The following NAV3 variants were observed in gnomAD, a reference collection of about 807,000 sequenced individuals.
NAV3 encodes neuron navigator 3.
A neutral mutation model predicts 244.7 loss-of-function variants in NAV3; 87 were observed. That is an observed-to-expected ratio of 0.36 (90% CI 0.30 to 0.42). The LOEUF (loss-of-function observed/expected upper bound fraction) is 0.42. NAV3 is among the 20% of genes least tolerant of loss of function. The pLI is 1.00. For missense variants in NAV3, 2,663 were observed against 2,893.3 expected, an observed-to-expected ratio of 0.92 and a Z score of 1.83; for synonymous variants, 1,126 against 1,042.2, an observed-to-expected ratio of 1.08 and a Z score of -1.55.
intron 2 of NAV3, among the ~76,000 whole-genome samples, chr12:77,791,137 C>G (rs1241050713): frequency 1.3e-5 from 2 of 152,036 alleles, no homozygotes; most frequent in Non-Finnish European, 2.9e-5. Flanking sequence ...GGGTGGATCA[C>G]AAGGTCAGGA....
At chr12:77,798,379 G>T (rs574984020) in intron 2 of NAV3, among the ~76,000 whole-genome samples, 29 of 152,050 alleles carry the variant, frequency 1.9e-4, no homozygotes, top group African/African-American at 6.5e-4. Flanking sequence ...AAATAAATTT[G>T]CTAAGTATAA....
At chr12:77,903,607 C>A (rs1359849488) in intron 1 of NAV3, among the ~76,000 whole-genome samples, 8 of 152,138 alleles carry the variant, frequency 5.3e-5, no homozygotes, top group Admixed American at 4.6e-4. Context: ...GTCTAAAACA[C>A]CAAAAGCAAT....
intron 39 of NAV3, among the ~76,000 whole-genome samples, chr12:78,206,025 C>T (rs1025545755): frequency 6.6e-6 from 1 of 152,046 alleles, no homozygotes; most frequent in Non-Finnish European, 1.5e-5. Context: ...ACACACACAT[C>T]ATCATCATCA....
chr12:77,714,678 A>T (rs1231731469), intron 2 of NAV3, among the ~76,000 whole-genome samples: 1 of 152,164 alleles, frequency 6.6e-6, no homozygotes, highest in African/African-American at 2.4e-5. Context: ...TGTCTACTAA[A>T]CATCTATGAA....
chr12:77,757,353 A>T (rs1216651507), intron 2 of NAV3, among the ~76,000 whole-genome samples: 1 of 152,212 alleles, frequency 6.6e-6, no homozygotes, highest in Non-Finnish European at 1.5e-5. Context: ...GAGGGGTGGC[A>T]CTAAAATATT....
At chr12:77,690,200 A>C (rs1874939835) in intron 2 of NAV3, among the ~76,000 whole-genome samples, 1 of 151,806 alleles carries the variant, frequency 6.6e-6, no homozygotes, top group African/African-American at 2.4e-5. Flanking sequence ...GAATATTTTC[A>C]GTTTTACAAG....
intron 22 of NAV3, among the ~76,000 whole-genome samples, chr12:78,154,660 A>G (rs1957229540): frequency 6.6e-6 from 1 of 151,804 alleles, no homozygotes; most frequent in Non-Finnish European, 1.5e-5. Context: ...AAGTCAGGGG[A>G]TATTTATCAT....
chr12:77,866,166 C>A (rs1288170855), intron 1 of NAV3, among the ~76,000 whole-genome samples: 2 of 152,032 alleles, frequency 1.3e-5, no homozygotes, highest in Non-Finnish European at 2.9e-5. Context: ...TTGAATGCAT[C>A]TATACTATTT....
At chr12:78,125,329 TTTCC>T (rs568439953) in intron 16 of NAV3, among the ~76,000 whole-genome samples, 37 of 152,314 alleles carry the variant, frequency 2.4e-4, no homozygotes, top group Admixed American at 2.2e-3. Flanking sequence ...ATCGGTAGCT[TTTCC>T]TATAGATTTT....
chr12:77,895,037 A>C lies in NAV3; in HGVS notation c.244-45282A>C, dbSNP rs187559915. 4.6e-5 allele frequency among the ~76,000 whole-genome samples: 7 copies of C among 152,266 alleles called. No individual in the cohort carries two copies. In the East Asian group the frequency reaches 1.4e-3, roughly 29 times the overall value. ...CATCTGCAGAGGAGTAACTTATTAA[A>C]ATATTAGTAACTTAAAGCACATTCA... On this transcript the variant is annotated intron_variant, in intron 1 of 39. Coordinates refer to ENST00000397909, the MANE Select transcript of NAV3 (RefSeq NM_001024383.2).
At chr12:77,853,305 T>C (rs7307970) in intron 1 of NAV3, among the ~76,000 whole-genome samples, 118,392 of 152,166 alleles carry the variant, frequency 0.78, 47,918 homozygotes, top group East Asian at 1. Flanking sequence ...GGTTTTCTGC[T>C]TACTTTTCTA....
At chr12:77,704,289 G>A (rs1407672292) in intron 2 of NAV3, among the ~76,000 whole-genome samples, 1 of 152,140 alleles carries the variant, frequency 6.6e-6, no homozygotes, top group African/African-American at 2.4e-5. Flanking sequence ...GTGCATGTGT[G>A]TGTGGCATTT....
chr12:77,877,263 A>G (rs974576432), intron 1 of NAV3, among the ~76,000 whole-genome samples: 8 of 152,062 alleles, frequency 5.3e-5, no homozygotes, highest in Non-Finnish European at 1.2e-4. Context: ...GTAATCTGAG[A>G]TTTTAGTCCC....
rs150571683 is a variant in NAV3 at position 77,670,996 on chromosome 12, C to G, written c.72+98730C>G. Among the ~76,000 whole-genome samples the G allele has an allele frequency of 3.7e-4, 57 of 152,194 alleles. 1 individual carries two copies. Among genetic ancestry groups the G allele is most frequent in the African/African-American group, 1.2e-3 (51 of 41,550 alleles). ...CCAGATAAGTAAAGAGGAAGTCAAACTGTTGCCATTTGCTGATGATATGAT... is the reference window on the plus strand; with the variant it reads ...CCAGATAAGTAAAGAGGAAGTCAAAGTGTTGCCATTTGCTGATGATATGAT... On this transcript the variant is annotated intron_variant, in intron 2 of 8. Coordinates refer to the NAV3 transcript ENST00000550042.
intron 2 of NAV3, among the ~76,000 whole-genome samples, chr12:77,583,666 G>C (rs900010410): frequency 6.6e-6 from 1 of 152,120 alleles, no homozygotes; most frequent in African/African-American, 2.4e-5. Context: ...TTAGTGGTTT[G>C]ACTAAATATA....
intron 2 of NAV3, among the ~76,000 whole-genome samples, chr12:77,679,268 G>T (rs1193568102): frequency 6.6e-6 from 1 of 152,134 alleles, no homozygotes; most frequent in Non-Finnish European, 1.5e-5. Flanking sequence ...GCACTAACAG[G>T]TTATCGGGGA....
At chr12:77,700,416 G>C (rs1875509258) in intron 2 of NAV3, among the ~76,000 whole-genome samples, 2 of 152,102 alleles carry the variant, frequency 1.3e-5, no homozygotes, top group African/African-American at 4.8e-5. Context: ...TTAAAGTTGT[G>C]TATGTGTTTC....
At chr12:77,931,344 G>A (rs1467440518) in intron 1 of NAV3, among the ~76,000 whole-genome samples, 1 of 151,894 alleles carries the variant, frequency 6.6e-6, no homozygotes, top group Non-Finnish European at 1.5e-5. Context: ...GTGTGCATAT[G>A]TGTGTATGTA....
At chr12:77,693,345 C>T (rs1333896400) in intron 2 of NAV3, among the ~76,000 whole-genome samples, 1 of 152,040 alleles carries the variant, frequency 6.6e-6, no homozygotes, top group African/African-American at 2.4e-5. Flanking sequence ...TAACCCCACA[C>T]TAGGCCATGA....
Sources: gnomAD v4.1 joint callset for allele counts (sites outside exome capture counted in the v4.1 genomes callset) on GRCh38, gnomAD v4.1.1 for gene constraint, MANE v1.5 for transcripts, NCBI Gene and HGNC (gene_info 2026-07-23, HGNC 2026-07-21) for gene names.